COX7A2L: variants seen among roughly 807,000 people sequenced by gnomAD.
COX7A2L encodes the protein cytochrome c oxidase subunit 7A2 like.
In COX7A2L, 18 loss-of-function variants were observed where a neutral mutation model predicts 14.2. The observed-to-expected ratio is 1.27, with a 90% confidence interval of 0.88 to 1.88. The LOEUF is 1.88. Among genes scored for constraint, COX7A2L ranks in the 40% most tolerant of loss-of-function variants. The pLI is 0.00. For missense variants in COX7A2L, 179 were observed against 138.8 expected (o/e 1.29, Z -1.46); for synonymous variants, 65 against 57.4 (o/e 1.13, Z -0.60).
chr2:42,345,827 G>C (rs117939059), downstream of COX7A2L, among the ~76,000 whole-genome samples: 2 of 152,160 alleles, frequency 1.3e-5, no homozygotes, highest in African/African-American at 2.4e-5. Flanking sequence ...ACTCAGCACC[G>C]TGGCCTAACT....
intron 1 of COX7A2L, among the ~76,000 whole-genome samples, chr2:42,354,823 T>G (rs1400837078): frequency 6.6e-6 from 1 of 152,234 alleles, no homozygotes; most frequent in Non-Finnish European, 1.5e-5. Flanking sequence ...TCAGCCACCA[T>G]GGATATTAAT....
intron 1 of COX7A2L, chr2:42,360,884 C>A: frequency 1.6e-6 from 1 of 616,072 alleles, no homozygotes; most frequent in South Asian, 1.8e-5. Context: ...CACGCCAGGC[C>A]AGCCCCCGCC....
chr2:42,356,129 C>T (rs1670811819), intron 1 of COX7A2L, among the ~76,000 whole-genome samples: 1 of 152,150 alleles, frequency 6.6e-6, no homozygotes, highest in African/African-American at 2.4e-5. Context: ...ACCTCCCAGG[C>T]ACAGCCATGT....
chr2:42,345,456 TA>T (rs1670477607), downstream of COX7A2L, among the ~76,000 whole-genome samples: 1 of 151,294 alleles, frequency 6.6e-6, no homozygotes, highest in African/African-American at 2.5e-5. Flanking sequence ...TCAATTTTGT[TA>T]AAAACCTCTA....
At chr2:42,360,873 C>T (rs1034740623) in intron 1 of COX7A2L, 4 of 597,662 alleles carry the variant, frequency 6.7e-6, no homozygotes, top group African/African-American at 5.6e-5. Flanking sequence ...GACCAAACTT[C>T]CACGCCAGGC....
upstream of COX7A2L, chr2:42,361,569 G>A: frequency 6.1e-6 from 1 of 163,924 alleles, no homozygotes; most frequent in Non-Finnish European, 1.3e-5. Context: ...GCTCCAGGCG[G>A]GGCCTGGGGG....
At chr2:42,336,534 C>CTGA (rs1440823503) in intron 2 of COX7A2L, among the ~76,000 whole-genome samples, 1 of 152,128 alleles carries the variant, frequency 6.6e-6, no homozygotes, top group Non-Finnish European at 1.5e-5. Context: ...TCATGCTTGA[C>CTGA]TGATCACAGT....
intron 2 of COX7A2L, among the ~76,000 whole-genome samples, chr2:42,340,388 G>A (rs1390371518): frequency 6.6e-6 from 1 of 152,156 alleles, no homozygotes; most frequent in Non-Finnish European, 1.5e-5. Flanking sequence ...ATCAATTGTT[G>A]TAAGTCTTTT....
chr2:42,343,890 C>T (rs766938873), intron 2 of COX7A2L, among the ~76,000 whole-genome samples: 4 of 152,202 alleles, frequency 2.6e-5, no homozygotes, highest in Non-Finnish European at 5.9e-5. Flanking sequence ...CAAAGCCACA[C>T]CAACCTTCAC....
upstream of COX7A2L, among the ~76,000 whole-genome samples, chr2:42,362,006 G>A (rs1262687225): frequency 6.6e-6 from 1 of 152,166 alleles, no homozygotes; most frequent in Non-Finnish European, 1.5e-5. Flanking sequence ...TCAGGTACCA[G>A]GATGTAAATG....
rs781207408 is a variant in COX7A2L at position 42,339,046 on chromosome 2, G to A, written c.193-5177C>T. ...GTTTGCACTGGAAGCCATGGGCAACGCAACAGATTGTGAGGAAACCCTGCA... is the reference window on the plus strand; with the variant it reads ...GTTTGCACTGGAAGCCATGGGCAACACAACAGATTGTGAGGAAACCCTGCA... On this transcript the variant is annotated intron_variant, in intron 2 of 2. Transcript: ENST00000468711. The surrounding 1 kb of genome is among the most constrained non-coding windows in gnomAD (Gnocchi z 5.4). Among the ~76,000 whole-genome samples, 1 of 152,204 alleles carries A rather than the reference G, an allele frequency of 6.6e-6. No individual in the cohort carries two copies. Among genetic ancestry groups the A allele is most frequent in the East Asian group, 1.9e-4 (1 of 5,204 alleles).
chr2:42,340,038 C>T (rs753444368), intron 2 of COX7A2L, among the ~76,000 whole-genome samples: 9 of 152,170 alleles, frequency 5.9e-5, no homozygotes, highest in South Asian at 2.1e-4. Context: ...CCTGTATATT[C>T]GGTCTCGAGT....
chr2:42,339,317 G>A lies in COX7A2L; in HGVS notation c.193-5448C>T, dbSNP rs1372219683. 1.3e-5 allele frequency among the ~76,000 whole-genome samples: 2 copies of A among 152,162 alleles called. No homozygotes were observed. Among genetic ancestry groups the A allele is most frequent in the Non-Finnish European group, 2.9e-5 (2 of 68,028 alleles). On this transcript the variant is annotated intron_variant, in intron 2 of 2. Transcript: ENST00000468711. The surrounding 1 kb of genome is among the most constrained non-coding windows in gnomAD (Gnocchi z 5.4). ...TCTCGGGCACAGGATCCCCCCAGCG[G>A]CTCTTGCTCCTCCATGTCCTGATTC...
chr2:42,343,114 C>A (rs909636801), intron 2 of COX7A2L, among the ~76,000 whole-genome samples: 7 of 152,178 alleles, frequency 4.6e-5, no homozygotes. Context: ...GGCTACCAGG[C>A]CTGACCTGCT....
At chr2:42,362,269 T>C (rs1671075229), upstream of COX7A2L, among the ~76,000 whole-genome samples, 2 of 152,136 alleles carry the variant, frequency 1.3e-5, no homozygotes, top group South Asian at 4.1e-4. Flanking sequence ...GTAAAAGGAG[T>C]ATACTAGTTT....
At position 42,338,867 on chromosome 2, in the gene COX7A2L, A is replaced by T. The variant is rs1478538405; in HGVS notation, c.193-4998T>A. 6.6e-6 allele frequency among the ~76,000 whole-genome samples: 1 copy of T among 152,232 alleles called. No homozygotes were observed. The highest frequency in any genetic ancestry group is 1.5e-5 in the Non-Finnish European group (1 of 68,042). Reference sequence around the variant, plus strand: ...CCCATGTCTAGAAAGGAAAAAGAGAAGATGAAGGCCTTGCCCACATCCAAT... The same window carrying T: ...CCCATGTCTAGAAAGGAAAAAGAGATGATGAAGGCCTTGCCCACATCCAAT... On this transcript the variant is annotated intron_variant, in intron 2 of 2. Transcript: ENST00000468711. The surrounding 1 kb of genome is among the most constrained non-coding windows in gnomAD (Gnocchi z 4.4).
chr2:42,344,539 G>C (rs914511165), downstream of COX7A2L, among the ~76,000 whole-genome samples: 10 of 152,180 alleles, frequency 6.6e-5, no homozygotes. Context: ...CCAAAACAAA[G>C]TATGAGAAAA....
intron 1 of COX7A2L, chr2:42,359,794 T>A (rs1371133991): frequency 6.7e-6 from 1 of 148,576 alleles, no homozygotes; most frequent in Non-Finnish European, 1.5e-5. Flanking sequence ...TCAACATTTA[T>A]AAACCCTAAA....
chr2:42,341,139 G>C (rs1670397538), intron 2 of COX7A2L, among the ~76,000 whole-genome samples: 1 of 152,258 alleles, frequency 6.6e-6, no homozygotes. Flanking sequence ...GAGTCCCACA[G>C]GGGGACACAG....
Sources: gnomAD v4.1 joint callset for allele counts (sites outside exome capture counted in the v4.1 genomes callset) on GRCh38, gnomAD v4.1.1 for gene constraint, Gnocchi (gnomAD v3.1) non-coding constraint, MANE v1.5 for transcripts, NCBI Gene and HGNC (gene_info 2026-07-23, HGNC 2026-07-21) for gene names.